THSD7A: variants seen among roughly 807,000 people sequenced by gnomAD.
THSD7A encodes the protein thrombospondin type 1 domain containing 7A.
A neutral mutation model predicts 231.3 loss-of-function variants in THSD7A; 96 were observed. The observed-to-expected ratio is 0.41, with a 90% CI of 0.35 to 0.49. The LOEUF is 0.49. Ranked by LOEUF, THSD7A falls within the 20% of genes least tolerant of loss-of-function variation. The probability of loss-of-function intolerance (pLI) is 0.05; values close to 1 mark genes in which losing one functional copy is unlikely to be tolerated. For missense variants in THSD7A, 2,290 were observed against 2,070.2 expected, an observed-to-expected ratio of 1.11 and a Z score of -2.06; for synonymous variants, 940 against 743.3, an observed-to-expected ratio of 1.26 and a Z score of -4.30.
intron 1 of THSD7A, among the ~76,000 whole-genome samples, chr7:11,785,560 T>A (rs557773856): frequency 6.6e-6 from 1 of 152,170 alleles, no homozygotes; most frequent in South Asian, 2.1e-4. Context: ...CTTTTTCCCA[T>A]TTTTTGCCTG....
chr7:11,662,943 A>G (rs1221873911), intron 1 of THSD7A, among the ~76,000 whole-genome samples: 2 of 151,384 alleles, frequency 1.3e-5, no homozygotes, highest in East Asian at 3.9e-4. Context: ...TGCTTAAGTT[A>G]TAAGTAAGAA....
intron 1 of THSD7A, among the ~76,000 whole-genome samples, chr7:11,663,930 C>A (rs1184063409): frequency 6.6e-6 from 1 of 151,232 alleles, no homozygotes; most frequent in East Asian, 1.9e-4. Context: ...ATTTTATTTT[C>A]AATTTTGATA....
chr7:11,614,706 T>A (rs1262277533), intron 2 of THSD7A, among the ~76,000 whole-genome samples: 1 of 152,208 alleles, frequency 6.6e-6, no homozygotes, highest in Admixed American at 6.5e-5. Context: ...CTTGTTCTAG[T>A]ATTTTTTTTT....
At chr7:11,399,175 T>C (rs1347112335) in intron 23 of THSD7A, among the ~76,000 whole-genome samples, 1 of 152,206 alleles carries the variant, frequency 6.6e-6, no homozygotes, top group African/African-American at 2.4e-5. Flanking sequence ...CATTTAAATT[T>C]TAGTTTGTGT....
At chr7:11,392,894 T>C (rs1024962932) in intron 23 of THSD7A, among the ~76,000 whole-genome samples, 10 of 152,194 alleles carry the variant, frequency 6.6e-5, no homozygotes, top group African/African-American at 2.4e-4. Flanking sequence ...CAGGGGCTTA[T>C]AGATCAAACT....
At chr7:11,660,565 T>C (rs1270989692) in intron 1 of THSD7A, among the ~76,000 whole-genome samples, 1 of 151,352 alleles carries the variant, frequency 6.6e-6, no homozygotes, top group East Asian at 1.9e-4. Flanking sequence ...CATACAAATG[T>C]ATATATGATA....
Position 11,474,616 on chromosome 7 carries a change from A to G in THSD7A, c.2018-48T>C. 3 of 1,430,296 alleles carry G rather than the reference A, an allele frequency of 2.1e-6. No homozygotes were observed. Among genetic ancestry groups the G allele is most frequent in the Non-Finnish European group, 2.9e-6 (3 of 1,038,006 alleles). The allele number at this position is 1,430,296 out of a possible 1,614,324, so 88.6% of individuals were successfully genotyped here. On this transcript the variant is annotated intron_variant, in intron 7 of 27. Coordinates refer to ENST00000423059, the MANE Select transcript of THSD7A (RefSeq NM_015204.3). This position sits in a 1 kb window ranked among gnomAD's most constrained non-coding sequence, Gnocchi z 4.1. ...CAAATTAGATACGGTGCCAACAGGA[A>G]CCTTACCATACTCTGTTCTTTGGAA...
rs75842203 is a variant in THSD7A at position 11,827,493 on chromosome 7, G to A, written c.190+4264C>T. Among the ~76,000 whole-genome samples the A allele has an allele frequency of 2.8e-4, 42 of 151,936 alleles. No homozygotes were observed. The East Asian group carries it at 6.0e-3, about 22-fold the overall frequency. On this transcript the variant is annotated intron_variant, in intron 1 of 27. Coordinates refer to ENST00000423059, the MANE Select transcript of THSD7A (RefSeq NM_015204.3). ...GCCACAATCTCCTTTATAAAATACC[G>A]TCTTCATCTAGTGTATCTTGTCATT...
chr7:11,605,755 C>T (rs952723818), intron 2 of THSD7A, among the ~76,000 whole-genome samples: 1 of 152,092 alleles, frequency 6.6e-6, no homozygotes, highest in Non-Finnish European at 1.5e-5. Flanking sequence ...AAGCCCTAAG[C>T]CAAGTTTCCA....
At chr7:11,710,512 G>A (rs1780918374) in intron 1 of THSD7A, among the ~76,000 whole-genome samples, 1 of 150,854 alleles carries the variant, frequency 6.6e-6, no homozygotes, top group Non-Finnish European at 1.5e-5. Context: ...TCCCAAGGAA[G>A]TAGAGGCCAG....
rs890940293 is a variant in THSD7A at position 11,575,520 on chromosome 7, G to A, written c.1453+14940C>T. 4.6e-5 allele frequency among the ~76,000 whole-genome samples: 7 copies of A among 152,070 alleles called. 1 individual carries two copies. The highest frequency in any genetic ancestry group is 3.2e-3 in the Middle Eastern group (1 of 316). ...TGAGGATGCTTATCCTATCCTCACC[G>A]CAATGATGGTTGGAAATTGTGTCTC... On this transcript the variant is annotated intron_variant, in intron 4 of 27. Transcript: ENST00000423059.
intron 11 of THSD7A, 60 bp downstream of exon 11, chr7:11,460,602 T>C: frequency 7.1e-7 from 1 of 1,407,388 alleles, no homozygotes. Context: ...GGCAAATGCA[T>C]CAAAACAGTA....
At chr7:11,740,904 G>A (rs992853053) in intron 1 of THSD7A, among the ~76,000 whole-genome samples, 1 of 151,930 alleles carries the variant, frequency 6.6e-6, no homozygotes, top group African/African-American at 2.4e-5. Context: ...AATATTTGCA[G>A]TATTTGCTGA....
In THSD7A at chr7:11,750,424, T is replaced by C. The variant is rs563282511; in HGVS notation, c.190+81333A>G. 6.6e-5 allele frequency among the ~76,000 whole-genome samples: 10 copies of C among 152,008 alleles called. No homozygotes were observed. The East Asian group carries it at 2.0e-3, about 30-fold the overall frequency. ...AAAGAATTCGTTCGAAAAAAGGAAGTCCTAGTCTCCAAATTCAGGTATGAG... is the reference window on the plus strand; with the variant it reads ...AAAGAATTCGTTCGAAAAAAGGAAGCCCTAGTCTCCAAATTCAGGTATGAG... On this transcript the variant is annotated intron_variant, in intron 1 of 27. Coordinates refer to ENST00000423059, the MANE Select transcript of THSD7A (RefSeq NM_015204.3).
At position 11,395,196 on chromosome 7, in the gene THSD7A, T is replaced by TAAACCAACAAAGATCA. The variant is rs540874021; in HGVS notation, c.4411+6583_4411+6598dup. Among the ~76,000 whole-genome samples the TAAACCAACAAAGATCA allele has an allele frequency of 8.2e-4, 123 of 150,116 alleles. 2 individuals carry two copies. The South Asian group carries it at 0.024, about 29-fold the overall frequency. On this transcript the variant is annotated intron_variant, in intron 23 of 27. Coordinates refer to ENST00000423059, the MANE Select transcript of THSD7A (RefSeq NM_015204.3). ...TCCTAGTCTCTGATAAAACAGACTT[T>TAAACCAACAAAGATCA]AAACCAACAAAGATCAAAAGAGACA... is the stretch of plus-strand genomic sequence containing the variant.
intron 1 of THSD7A, among the ~76,000 whole-genome samples, chr7:11,763,801 G>T (rs1782941611): frequency 6.6e-6 from 1 of 151,996 alleles, no homozygotes. Flanking sequence ...TTTTCTCAAA[G>T]CTCTTATTTA....
intron 2 of THSD7A, among the ~76,000 whole-genome samples, chr7:11,612,538 C>T (rs187968466): frequency 1.3e-5 from 2 of 152,250 alleles, no homozygotes; most frequent in African/African-American, 4.8e-5. Context: ...AGACACATTG[C>T]AAATCTTCAA....
intron 1 of THSD7A, chr7:11,820,219 T>A (rs1169256696): frequency 2.8e-6 from 1 of 360,758 alleles, no homozygotes. Flanking sequence ...GGGGTAGGAT[T>A]TTTCAGAATC....
At chr7:11,556,057 C>T (rs138412858) in intron 4 of THSD7A, among the ~76,000 whole-genome samples, 2 of 151,780 alleles carry the variant, frequency 1.3e-5, no homozygotes, top group African/African-American at 4.8e-5. Context: ...AATTAGTATA[C>T]TTAGACTATT....
Sources: allele counts gnomAD v4.1 joint callset (sites outside exome capture counted in the v4.1 genomes callset), GRCh38; gene constraint gnomAD v4.1.1; non-coding constraint Gnocchi (gnomAD v3.1); transcripts MANE v1.5; gene names NCBI Gene and HGNC (gene_info 2026-07-23, HGNC 2026-07-21).